POU2F2: variants seen among roughly 807,000 people sequenced by gnomAD.
POU2F2 encodes the protein POU domain, class 2, transcription factor 2.
Under a neutral mutation model 63.5 loss-of-function variants are expected in POU2F2, and 14 were observed. The observed-to-expected ratio is 0.22, with a 90% CI of 0.15 to 0.34. The LOEUF (loss-of-function observed/expected upper bound fraction) is 0.34, where lower values mean the gene tolerates loss of function less well. Ranked by LOEUF, POU2F2 falls within the 10% of genes least tolerant of loss-of-function variation. POU2F2 has a pLI of 1.00. For synonymous variants in POU2F2, 306 were observed against 348.6 expected (o/e 0.88, Z 1.36); for missense variants, 607 against 815.2 (o/e 0.74, Z 3.11).
intron 12 of POU2F2, among the ~76,000 whole-genome samples, chr19:42,093,009 A>ATTTTT (rs1201422267): frequency 2.3e-4 from 11 of 47,198 alleles, no homozygotes; most frequent in African/African-American, 6.8e-4. Flanking sequence ...ATATATATAT[A>ATTTTT]TTTTTTTTTT....
chr19:42,122,726 T>C lies in POU2F2; in HGVS notation c.29-150A>G, dbSNP rs1311842154. On this transcript the variant is annotated intron_variant, in intron 1 of 14. Transcript: ENST00000692977. ...GAAGTGTCTCTTCCCAAGAGACATGTCCTCCGTTCTGGGCCTCTGCCCTCC... is the reference window on the plus strand; with the variant it reads ...GAAGTGTCTCTTCCCAAGAGACATGCCCTCCGTTCTGGGCCTCTGCCCTCC... 4.3e-6 allele frequency: 3 copies of C among 704,002 alleles called. No individual in the cohort carries two copies. In the East Asian group the frequency reaches 8.5e-5, roughly 20 times the overall value. The allele number at this position is 704,002 out of a possible 1,614,324, so 43.6% of individuals were successfully genotyped here.
chr19:42,194,480 C>A (rs575176390), intron 1 of POU2F2, among the ~76,000 whole-genome samples: 1 of 146,832 alleles, frequency 6.8e-6, no homozygotes, highest in Non-Finnish European at 1.5e-5. Context: ...AGGAAGAGAT[C>A]GGGTGCCGTG....
chr19:42,191,006 G>C (rs1294904838), intron 1 of POU2F2, among the ~76,000 whole-genome samples: 1 of 150,870 alleles, frequency 6.6e-6, no homozygotes, highest in Non-Finnish European at 1.5e-5. Flanking sequence ...GGTGGAGGTT[G>C]TGGTGAGCTG....
In POU2F2 at chr19:42,086,499, A is replaced by G. The variant is rs1476814224; in HGVS notation, c.*4758T>C. 1 of 152,036 alleles carries G rather than the reference A, an allele frequency of 6.6e-6. No homozygotes were observed. Among genetic ancestry groups the G allele is most frequent in the Non-Finnish European group, 1.5e-5 (1 of 68,014 alleles). The allele number at this position is 152,036 out of a possible 1,614,324, so 9.4% of individuals were successfully genotyped here. A position where few individuals can be genotyped will look rare whatever the true frequency, so the allele number is the denominator to read the frequency against. On this transcript the variant is annotated 3_prime_UTR_variant, in exon 15 of 15. Transcript: ENST00000692977. ...ATTCTGGGTGGTGAAAGACACCCAC[A>G]CCAGAATGGGCTGCGCCAATCAGGT...
intron 1 of POU2F2, among the ~76,000 whole-genome samples, chr19:42,125,237 C>G (rs1047116788): frequency 6.6e-6 from 1 of 151,878 alleles, no homozygotes; most frequent in Non-Finnish European, 1.5e-5. Flanking sequence ...TGGTGGGCAC[C>G]TACAGTCCCA....
intron 1 of POU2F2, among the ~76,000 whole-genome samples, chr19:42,192,627 T>C (rs1255161122): frequency 6.6e-6 from 1 of 152,182 alleles, no homozygotes; most frequent in African/African-American, 2.4e-5. Flanking sequence ...TAAACAAATA[T>C]TTCCTGAGAC....
At chr19:42,170,504 A>AAC (rs533485908) in intron 1 of POU2F2, among the ~76,000 whole-genome samples, 43 of 152,244 alleles carry the variant, frequency 2.8e-4, no homozygotes, top group Admixed American at 2.7e-3. Flanking sequence ...AATAGACGCA[A>AAC]ACACACACAC....
chr19:42,102,099 G>A (rs777126291), intron 5 of POU2F2, among the ~76,000 whole-genome samples: 6 of 152,128 alleles, frequency 3.9e-5, no homozygotes, highest in Admixed American at 1.3e-4. Flanking sequence ...CAATGTTCAC[G>A]TGGACCATTT....
rs1717903001 is a variant in POU2F2, at chr19:42,089,319, AAG to A, written c.*1936_*1937del. 2.0e-5 allele frequency: 3 copies of A among 152,402 alleles called. No individual in the cohort carries two copies. Among genetic ancestry groups the A allele is most frequent in the African/African-American group, 7.3e-5 (3 of 41,260 alleles). The allele number at this position is 152,402 out of a possible 1,614,324, so 9.4% of individuals were successfully genotyped here. A position where few individuals can be genotyped will look rare whatever the true frequency, so the allele number is the denominator to read the frequency against. ...GAGGTCAGACAAAAGAGAACCGAAA[AAG>A]AAATCAAAGGAGGAATCAAACCACC... On this transcript the variant is annotated 3_prime_UTR_variant, in exon 15 of 15. Coordinates refer to ENST00000692977, the MANE Select transcript of POU2F2 (RefSeq NM_001394376.1).
intron 1 of POU2F2, 115 bp from the exon 2 acceptor site, chr19:42,122,691 A>G: frequency 2.1e-6 from 2 of 950,492 alleles, no homozygotes; most frequent in South Asian, 3.7e-5. Context: ...CCTTACCCCC[A>G]GCCACCTTGG....
At chr19:42,195,337 T>C (rs1399967167) in intron 1 of POU2F2, among the ~76,000 whole-genome samples, 2 of 143,146 alleles carry the variant, frequency 1.4e-5, no homozygotes, top group African/African-American at 5.2e-5. Flanking sequence ...TTTCTTTTTT[T>C]TTTTTTTTTT....
chr19:42,133,677 C>T (rs1568407049), upstream of POU2F2, among the ~76,000 whole-genome samples: 1 of 152,146 alleles, frequency 6.6e-6, no homozygotes, highest in South Asian at 2.1e-4. The surrounding 1 kb of genome is among the most constrained non-coding windows in gnomAD (Gnocchi z 5.1). Flanking sequence ...TCTATGTGCA[C>T]AGGCCCCAAC....
intron 5 of POU2F2, chr19:42,116,793 A>C (rs1600095467): frequency 2.8e-6 from 1 of 355,906 alleles, no homozygotes; most frequent in Admixed American, 3.7e-5. Context: ...GTGGCAGGTC[A>C]CCCCCCCCAG....
In POU2F2 at chr19:42,087,128, T is replaced by A. The variant is rs1384324398; in HGVS notation, c.*4129A>T. On this transcript the variant is annotated 3_prime_UTR_variant, in exon 15 of 15. Transcript: ENST00000692977. ...TCCAACATATAAAAAGGTAGCGGAG[T>A]TGTCTGTGGGTTTTTTTTTTTTTTT... The A allele has an allele frequency of 6.6e-6, 1 of 150,420 alleles. No homozygotes were observed. The highest frequency in any genetic ancestry group is 1.9e-4 in the East Asian group (1 of 5,158). 9.3% of individuals were successfully genotyped at this position (150,420 alleles called of 1,614,324 possible).
Position 42,091,086 on chromosome 19 carries a change from T to G in POU2F2, c.*171A>C. 1 of 582,084 alleles carries G rather than the reference T, an allele frequency of 1.7e-6. No homozygotes were observed. The highest frequency in any genetic ancestry group is 4.2e-5 in the South Asian group (1 of 23,818). 36.1% of individuals were successfully genotyped at this position (582,084 alleles called of 1,614,324 possible). On this transcript the variant is annotated 3_prime_UTR_variant, in exon 15 of 15. Coordinates refer to ENST00000692977, the MANE Select transcript of POU2F2 (RefSeq NM_001394376.1). Reference sequence around the variant, plus strand: ...TTTGGTTTTCTCTTTTGTTGGTTAGTTTCTTTCCTTTTTTTTTTTTTTTTT... The same window carrying G: ...TTTGGTTTTCTCTTTTGTTGGTTAGGTTCTTTCCTTTTTTTTTTTTTTTTT...
upstream of POU2F2, among the ~76,000 whole-genome samples, chr19:42,180,353 G>A (rs932622777): frequency 6.6e-6 from 1 of 152,108 alleles, no homozygotes; most frequent in African/African-American, 2.4e-5. Flanking sequence ...AAGGCACATG[G>A]GGTCCCAATA....
At chr19:42,165,969 C>A (rs2034641710) in intron 1 of POU2F2, among the ~76,000 whole-genome samples, 1 of 152,212 alleles carries the variant, frequency 6.6e-6, no homozygotes, top group Admixed American at 6.5e-5. Flanking sequence ...ATTCAGTAAG[C>A]ATTTCCTGAG....
At chr19:42,151,872 CA>C (rs1852149817) in intron 2 of POU2F2, among the ~76,000 whole-genome samples, 1 of 152,290 alleles carries the variant, frequency 6.6e-6, no homozygotes, top group African/African-American at 2.4e-5. Context: ...GGGAGGAAGC[CA>C]GAAGAGAAAA....
chr19:42,126,391 C>T (rs931402621), intron 1 of POU2F2, among the ~76,000 whole-genome samples: 5 of 150,534 alleles, frequency 3.3e-5, no homozygotes, highest in African/African-American at 7.4e-5. Flanking sequence ...TGCAGGCAGC[C>T]GAGATCGTGC....
Sources: gnomAD v4.1 joint callset for allele counts (sites outside exome capture counted in the v4.1 genomes callset) on GRCh38, gnomAD v4.1.1 for gene constraint, Gnocchi (gnomAD v3.1) non-coding constraint, MANE v1.5 for transcripts, NCBI Gene and HGNC (gene_info 2026-07-23, HGNC 2026-07-21) for gene names.